Variants in ATE1 observed in about 807,000 individuals in gnomAD.
ATE1 encodes the protein arginyl-tRNA--protein transferase 1.
In ATE1, 36 loss-of-function variants were observed where a neutral mutation model predicts 70.5. The observed-to-expected ratio is 0.51, with a 90% CI of 0.39 to 0.67. The LOEUF is 0.67. ATE1 is among the 30% of genes least tolerant of loss of function. The pLI is 0.00. For missense variants in ATE1, 593 were observed against 629.5 expected (o/e 0.94, Z 0.62); for synonymous variants, 232 against 219.3 (o/e 1.06, Z -0.51).
intron 11 of ATE1, among the ~76,000 whole-genome samples, chr10:121,745,718 C>T (rs553931278): frequency 1.5e-5 from 2 of 129,846 alleles, no homozygotes; most frequent in South Asian, 2.8e-4. Context: ...CAGAGCAAGA[C>T]TCTGTCTCAA....
intron 10 of ATE1, among the ~76,000 whole-genome samples, chr10:121,814,260 G>C (rs1183586742): frequency 1.3e-5 from 2 of 152,212 alleles, no homozygotes; most frequent in African/African-American, 2.4e-5. Flanking sequence ...TTGGGCAATG[G>C]TGTGTCTAAA....
rs1338840332 is a variant in ATE1 at position 121,829,054 on chromosome 10, T to C, written c.1257+7664A>G. 2.0e-5 allele frequency among the ~76,000 whole-genome samples: 3 copies of C among 152,194 alleles called. No individual in the cohort carries two copies. The East Asian group carries it at 5.8e-4, about 29-fold the overall frequency. On this transcript the variant is annotated intron_variant, in intron 10 of 11. Transcript: ENST00000224652. ...CCTTCACTAGGGCAGAACCCTCATCTACACTGCTTACAAATGTATTCCCAG... is the reference window on the plus strand; with the variant it reads ...CCTTCACTAGGGCAGAACCCTCATCCACACTGCTTACAAATGTATTCCCAG...
chr10:121,924,716 A>T (rs553008105), intron 1 of ATE1, among the ~76,000 whole-genome samples: 1,549 of 151,510 alleles, frequency 0.01, 81 homozygotes, highest in Admixed American at 0.082. Flanking sequence ...AAAAAAAAAA[A>T]TAGGAGTGTT....
intron 7 of ATE1, among the ~76,000 whole-genome samples, chr10:121,872,063 T>A (rs753808612): frequency 4.6e-5 from 7 of 152,140 alleles, no homozygotes; most frequent in South Asian, 2.1e-4. Flanking sequence ...GATTTTAAAA[T>A]CAGAAATTTG....
intron 8 of ATE1, among the ~76,000 whole-genome samples, chr10:121,861,564 G>C (rs893107224): frequency 6.9e-6 from 1 of 144,858 alleles, no homozygotes; most frequent in Admixed American, 7.0e-5. Context: ...GACACAGGAA[G>C]GGGAACATCA....
At chr10:121,798,621 C>T (rs745635312) in intron 10 of ATE1, among the ~76,000 whole-genome samples, 2 of 152,080 alleles carry the variant, frequency 1.3e-5, no homozygotes, top group African/African-American at 2.4e-5. Context: ...GAAGACAGGC[C>T]GGGTGCAGTG....
intron 10 of ATE1, among the ~76,000 whole-genome samples, chr10:121,816,677 T>C (rs925772900): frequency 6.6e-6 from 1 of 152,192 alleles, no homozygotes; most frequent in African/African-American, 2.4e-5. Flanking sequence ...ATCTTAAACT[T>C]CCCAGTCTTC....
At chr10:121,924,148 GAATAT>G in intron 2 of ATE1, 113 bp downstream of exon 2, 3 of 849,968 alleles carry the variant, frequency 3.5e-6, no homozygotes, top group African/African-American at 1.7e-5. Flanking sequence ...CTACATAAAA[GAATAT>G]AATAAAAATT....
intron 7 of ATE1, among the ~76,000 whole-genome samples, chr10:121,871,627 A>G (rs1031829281): frequency 2.0e-5 from 3 of 152,186 alleles, no homozygotes; most frequent in Non-Finnish European, 4.4e-5. Context: ...CACTAAATAT[A>G]TTCTTAGAAT....
intron 3 of ATE1, among the ~76,000 whole-genome samples, chr10:121,916,140 T>C (rs993463790): frequency 1.3e-5 from 2 of 151,088 alleles, no homozygotes; most frequent in African/African-American, 2.4e-5. Context: ...GGCAGGAGAA[T>C]GGCATGAACC....
At chr10:121,851,359 G>A (rs1411427699) in intron 8 of ATE1, among the ~76,000 whole-genome samples, 3 of 152,192 alleles carry the variant, frequency 2.0e-5, no homozygotes, top group African/African-American at 7.2e-5. Context: ...GGCAGAGGTT[G>A]CGGTGAAGCG....
intron 10 of ATE1, among the ~76,000 whole-genome samples, chr10:121,793,042 C>A (rs931078013): frequency 1.3e-5 from 2 of 151,976 alleles, no homozygotes; most frequent in African/African-American, 4.8e-5. Flanking sequence ...GACTTGTATC[C>A]GGAATATATA....
chr10:121,871,636 A>AT (rs1949863963), intron 7 of ATE1, among the ~76,000 whole-genome samples: 1 of 152,218 alleles, frequency 6.6e-6, no homozygotes, highest in East Asian at 1.9e-4. Flanking sequence ...TATTCTTAGA[A>AT]TATCACTAAC....
chr10:121,913,159 G>A (rs1055685413), intron 4 of ATE1, among the ~76,000 whole-genome samples: 5 of 152,212 alleles, frequency 3.3e-5, no homozygotes, highest in East Asian at 1.9e-4. Context: ...GATTACAGGC[G>A]TGAGCCACTG....
intron 8 of ATE1, among the ~76,000 whole-genome samples, chr10:121,848,698 G>A (rs1165062048): frequency 6.6e-6 from 1 of 150,396 alleles, no homozygotes; most frequent in Non-Finnish European, 1.5e-5. Context: ...ATCACCTGAG[G>A]TCAGGAGTTC....
At chr10:121,799,116 A>C (rs1246723802) in intron 10 of ATE1, among the ~76,000 whole-genome samples, 1 of 152,156 alleles carries the variant, frequency 6.6e-6, no homozygotes, top group Non-Finnish European at 1.5e-5. Flanking sequence ...CAATATACAC[A>C]GGGACTCCGC....
intron 9 of ATE1, among the ~76,000 whole-genome samples, chr10:121,837,848 G>GTT (rs1195068563): frequency 6.6e-6 from 1 of 152,024 alleles, no homozygotes; most frequent in Non-Finnish European, 1.5e-5. Context: ...ACAAGCAAGC[G>GTT]TAAGACCACC....
intron 11 of ATE1, among the ~76,000 whole-genome samples, chr10:121,781,677 C>G (rs1945997939): frequency 6.6e-6 from 1 of 152,236 alleles, no homozygotes; most frequent in Non-Finnish European, 1.5e-5. Context: ...TAAGCTAAGA[C>G]AGTCTCCTTA....
At chr10:121,764,761 G>A (rs1945205907) in intron 11 of ATE1, among the ~76,000 whole-genome samples, 1 of 152,180 alleles carries the variant, frequency 6.6e-6, no homozygotes, top group South Asian at 2.1e-4. Flanking sequence ...AGAGTGAGGA[G>A]CAGAGATGTG....
Sources: gnomAD v4.1 joint callset for allele counts (sites outside exome capture counted in the v4.1 genomes callset) on GRCh38, gnomAD v4.1.1 for gene constraint, MANE v1.5 for transcripts, NCBI Gene and HGNC (gene_info 2026-07-23, HGNC 2026-07-21) for gene names.